The following COL25A1 variants were observed in gnomAD, a reference collection of about 807,000 sequenced individuals.
The protein encoded by COL25A1 is collagen alpha-1(XXV) chain.
Under a neutral mutation model 128.4 loss-of-function variants are expected in COL25A1, and 103 were observed. The ratio of observed to expected loss-of-function variants is 0.80; its 90% CI spans 0.68 to 0.94. The LOEUF (loss-of-function observed/expected upper bound fraction) is 0.94. COL25A1 is among the 40% of genes least tolerant of loss of function. COL25A1 has a pLI of 0.00. For missense variants in COL25A1, 745 were observed against 840.0 expected (o/e 0.89, Z 1.40); for synonymous variants, 279 against 277.2 (o/e 1.01, Z -0.06).
intron 5 of COL25A1, among the ~76,000 whole-genome samples, chr4:109,034,876 AT>A (rs1463387169): frequency 1.3e-5 from 2 of 152,176 alleles, no homozygotes; most frequent in Admixed American, 6.5e-5. Context: ...GGGGTTTTGT[AT>A]TTTGATGTTT....
chr4:109,241,626 CAAAAAA>C (rs34490958), intron 3 of COL25A1, among the ~76,000 whole-genome samples: 1 of 133,968 alleles, frequency 7.5e-6, no homozygotes, highest in African/African-American at 2.7e-5. Context: ...TCTGTCTAGC[CAAAAAA>C]AAAAAAAAAT....
intron 3 of COL25A1, among the ~76,000 whole-genome samples, chr4:109,190,723 C>T (rs1056882747): frequency 3.9e-5 from 6 of 152,186 alleles, no homozygotes; most frequent in African/African-American, 7.2e-5. Context: ...GCAATAAGAA[C>T]TGATCAGTTA....
chr4:108,990,479 A>ATAT (rs1754123853), intron 6 of COL25A1, among the ~76,000 whole-genome samples: 1 of 151,814 alleles, frequency 6.6e-6, no homozygotes, highest in Non-Finnish European at 1.5e-5. Context: ...ATTTACATAG[A>ATAT]GGGTCTTATG....
At chr4:108,959,918 C>T (rs949020498) in intron 8 of COL25A1, among the ~76,000 whole-genome samples, 1 of 152,100 alleles carries the variant, frequency 6.6e-6, no homozygotes, top group Non-Finnish European at 1.5e-5. Context: ...AGATATTCCC[C>T]TCTTCCTGAA....
At chr4:108,947,851 G>A (rs1160806147) in intron 8 of COL25A1, among the ~76,000 whole-genome samples, 2 of 152,076 alleles carry the variant, frequency 1.3e-5, no homozygotes, top group African/African-American at 2.4e-5. Context: ...GGGCTATGGA[G>A]GAAAAGATAA....
At chr4:109,030,668 T>A (rs1012874962) in intron 5 of COL25A1, among the ~76,000 whole-genome samples, 7 of 152,198 alleles carry the variant, frequency 4.6e-5, no homozygotes, top group African/African-American at 1.7e-4. Flanking sequence ...TCATTCCTCA[T>A]ATCAACATGG....
At chr4:109,037,049 A>T (rs1029913696) in intron 5 of COL25A1, among the ~76,000 whole-genome samples, 6 of 152,186 alleles carry the variant, frequency 3.9e-5, no homozygotes, top group African/African-American at 1.4e-4. Flanking sequence ...GTCCTATAAA[A>T]TCCTTGTGCT....
At chr4:109,027,579 A>C (rs1319855630) in intron 5 of COL25A1, among the ~76,000 whole-genome samples, 3 of 152,136 alleles carry the variant, frequency 2.0e-5, no homozygotes, top group Non-Finnish European at 2.9e-5. Context: ...TATCGGGAAA[A>C]GGCAGTAGAA....
intron 3 of COL25A1, among the ~76,000 whole-genome samples, chr4:109,164,406 A>T (rs1772870767): frequency 8.6e-6 from 1 of 116,508 alleles, no homozygotes; most frequent in African/African-American, 2.9e-5. Flanking sequence ...TAATCAAGAA[A>T]TACATTTGTT....
At chr4:109,167,221 T>C (rs981965762) in intron 3 of COL25A1, among the ~76,000 whole-genome samples, 1 of 152,160 alleles carries the variant, frequency 6.6e-6, no homozygotes, top group Non-Finnish European at 1.5e-5. Flanking sequence ...GTACATTTTA[T>C]AAAACTCATC....
intron 3 of COL25A1, among the ~76,000 whole-genome samples, chr4:109,053,857 C>A (rs565553350): frequency 1.3e-5 from 2 of 152,260 alleles, no homozygotes; most frequent in African/African-American, 4.8e-5. Flanking sequence ...ACACAAATTT[C>A]TGGCTGGGTC....
intron 3 of COL25A1, among the ~76,000 whole-genome samples, chr4:109,285,488 A>C (rs1723790460): frequency 6.6e-6 from 1 of 152,218 alleles, no homozygotes; most frequent in African/African-American, 2.4e-5. Context: ...CACTCTCTCC[A>C]ACACTGAGAT....
chr4:109,118,485 C>A (rs1767813045), intron 3 of COL25A1, among the ~76,000 whole-genome samples: 1 of 151,806 alleles, frequency 6.6e-6, no homozygotes, highest in African/African-American at 2.4e-5. Flanking sequence ...ATAATTATTA[C>A]TTGTCAATTA....
chr4:109,014,575 T>C (rs1459183047), intron 5 of COL25A1, among the ~76,000 whole-genome samples: 1 of 152,252 alleles, frequency 6.6e-6, no homozygotes, highest in East Asian at 1.9e-4. Flanking sequence ...TACACTTATA[T>C]GTTATTATAT....
intron 3 of COL25A1, among the ~76,000 whole-genome samples, chr4:109,200,937 T>C (rs1332788006): frequency 6.6e-6 from 1 of 152,168 alleles, no homozygotes; most frequent in Non-Finnish European, 1.5e-5. Context: ...ATCCTAAATT[T>C]GTTTCCTGAG....
intron 8 of COL25A1, among the ~76,000 whole-genome samples, chr4:108,949,596 C>T (rs1174720527): frequency 6.6e-6 from 1 of 151,652 alleles, no homozygotes; most frequent in Non-Finnish European, 1.5e-5. Flanking sequence ...TGCAGTGGCA[C>T]GATCTCGGCT....
intron 6 of COL25A1, among the ~76,000 whole-genome samples, chr4:108,989,270 T>C (rs937122451): frequency 2.6e-5 from 4 of 152,222 alleles, no homozygotes; most frequent in African/African-American, 9.6e-5. Context: ...CTGAGCTGCT[T>C]TGTGCAGTGC....
chr4:109,286,662 G>A (rs138971675), intron 3 of COL25A1, among the ~76,000 whole-genome samples: 22 of 152,284 alleles, frequency 1.4e-4, no homozygotes, highest in African/African-American at 5.1e-4. Flanking sequence ...CTGGCATCTA[G>A]TGGATAGAAA....
chr4:109,211,222 T>TTG (rs374984379), intron 3 of COL25A1, among the ~76,000 whole-genome samples: 63,585 of 141,310 alleles, frequency 0.45, 17,372 homozygotes, highest in African/African-American at 0.75. Context: ...TATATATATA[T>TTG]TGTGTGTGTG....
Sources: allele counts gnomAD v4.1 joint callset (sites outside exome capture counted in the v4.1 genomes callset), GRCh38; gene constraint gnomAD v4.1.1; transcripts MANE v1.5; gene names NCBI Gene and HGNC (gene_info 2026-07-23, HGNC 2026-07-21).